The following SLC2A12 variants were observed in gnomAD, a reference collection of about 807,000 sequenced individuals.
The protein encoded by SLC2A12 is solute carrier family 2, facilitated glucose transporter member 12.
SLC2A12 carries 23 observed loss-of-function variants against 41.8 expected under a neutral mutation model. The ratio of observed to expected loss-of-function variants is 0.55; its 90% confidence interval spans 0.40 to 0.78. The LOEUF (loss-of-function observed/expected upper bound fraction) is 0.78, where lower values mean the gene tolerates loss of function less well. SLC2A12 is among the 30% of genes least tolerant of loss of function. SLC2A12 has a pLI of 0.00. For synonymous variants in SLC2A12, 295 were observed against 285.9 expected (o/e 1.03, Z -0.32); for missense variants, 654 against 745.6 (o/e 0.88, Z 1.43).
At chr6:134,043,790 CAAAA>C (rs529160646) in intron 1 of SLC2A12, among the ~76,000 whole-genome samples, 2 of 69,972 alleles carry the variant, frequency 2.9e-5, no homozygotes, top group Non-Finnish European at 3.1e-5. Flanking sequence ...GACTCTGTCC[CAAAA>C]AAAAAAAAAA....
intron 1 of SLC2A12, among the ~76,000 whole-genome samples, chr6:134,042,081 A>C (rs2114503871): frequency 6.6e-6 from 1 of 152,372 alleles, no homozygotes; most frequent in Admixed American, 6.5e-5. Context: ...TTTTTAAAAA[A>C]TTCAGTGTGC....
Position 134,043,790 on chromosome 6 carries a change from CA to C in SLC2A12, c.103+8587del, listed in dbSNP as rs529160646. ...CTGGCGACAGAGCGAGACTCTGTCC[CA>C]AAAAAAAAAAAAAAAAAGAAAAGAA... On this transcript the variant is annotated intron_variant, in intron 1 of 4. Transcript: ENST00000275230. Among the ~76,000 whole-genome samples the C allele has an allele frequency of 6.1e-3, 425 of 69,954 alleles. 2 individuals carry two copies. The highest frequency in any genetic ancestry group is 0.029 in the South Asian group (65 of 2,248). 45.9% of individuals were successfully genotyped at this position (69,954 alleles called of 152,430 possible). A position where few individuals can be genotyped will look rare whatever the true frequency, so the allele number is the denominator to read the frequency against.
intron 1 of SLC2A12, among the ~76,000 whole-genome samples, chr6:134,040,062 T>G (rs1052659522): frequency 1.4e-5 from 2 of 143,916 alleles, no homozygotes; most frequent in African/African-American, 5.8e-5. Context: ...TTTTTTGTTT[T>G]TTTTTTTTTG....
At chr6:133,999,882 T>C (rs1463769011) in intron 4 of SLC2A12, among the ~76,000 whole-genome samples, 1 of 152,206 alleles carries the variant, frequency 6.6e-6, no homozygotes, top group Non-Finnish European at 1.5e-5. Context: ...TACCAATAGA[T>C]TTGGAAGTCA....
intron 2 of SLC2A12, among the ~76,000 whole-genome samples, chr6:134,024,535 C>T (rs1224408880): frequency 6.6e-6 from 1 of 152,222 alleles, no homozygotes; most frequent in Non-Finnish European, 1.5e-5. Flanking sequence ...TCATTCACAG[C>T]AGTCCTAATT....
At chr6:134,037,211 G>A (rs1420661162) in intron 1 of SLC2A12, among the ~76,000 whole-genome samples, 1 of 142,256 alleles carries the variant, frequency 7.0e-6, no homozygotes, top group East Asian at 2.1e-4. Context: ...CTGGAGTGCA[G>A]TGGCGCGATT....
At position 134,001,155 on chromosome 6, in the gene SLC2A12, G is replaced by C. The variant is rs1173692377; in HGVS notation, c.1700+842C>G. 2.0e-5 allele frequency among the ~76,000 whole-genome samples: 3 copies of C among 151,902 alleles called. No homozygotes were observed. In the East Asian group the frequency reaches 5.8e-4, roughly 29 times the overall value. On this transcript the variant is annotated intron_variant, in intron 4 of 4. Coordinates refer to ENST00000275230, the MANE Select transcript of SLC2A12 (RefSeq NM_145176.3). ...TTCACCCGTTGGTTGGGGACTGGGTGGGGGAAGCATTGGGGGGTGGTGGGG... is the reference window on the plus strand; with the variant it reads ...TTCACCCGTTGGTTGGGGACTGGGTCGGGGAAGCATTGGGGGGTGGTGGGG...
In SLC2A12 at chr6:134,028,997, C is replaced by G. The variant is rs746886711; in HGVS notation, c.828G>C (p.Arg276=). 7 of 1,614,198 alleles carry G rather than the reference C, an allele frequency of 4.3e-6. No homozygotes were observed. In the Admixed American group the frequency reaches 1.2e-4, roughly 27 times the overall value. Residue 276 remains arginine (R), a synonymous_variant, in exon 2 of 5, where the codon CGG becomes CGC. Transcript: ENST00000275230. ...WDLFRSKDNM[R]TRIMIGLTLV... ...GTGTTAGTCCTATCATTATTCGGGT[C>G]CGCATGTTGTCTTTTGAACGAAACA...
chr6:134,037,474 C>T (rs908766835), intron 1 of SLC2A12, among the ~76,000 whole-genome samples: 5 of 152,158 alleles, frequency 3.3e-5, no homozygotes, highest in Non-Finnish European at 7.4e-5. Flanking sequence ...CCTGCCTCAG[C>T]GTCCGGAGTA....
chr6:134,033,073 A>C (rs1268869261), intron 1 of SLC2A12, among the ~76,000 whole-genome samples: 1 of 151,888 alleles, frequency 6.6e-6, no homozygotes, highest in African/African-American at 2.4e-5. Context: ...GATGGCCAGC[A>C]TATAACATGT....
At chr6:133,999,991 T>A (rs1390259254) in intron 4 of SLC2A12, among the ~76,000 whole-genome samples, 1 of 152,208 alleles carries the variant, frequency 6.6e-6, no homozygotes, top group Non-Finnish European at 1.5e-5. Flanking sequence ...CTGAGGCCAT[T>A]GATTATTTAA....
chr6:134,052,567 G>T lies in SLC2A12; in HGVS notation c.-87C>A. On this transcript the variant is annotated 5_prime_UTR_variant, in exon 1 of 5. Coordinates refer to ENST00000275230, the MANE Select transcript of SLC2A12 (RefSeq NM_145176.3). ...AGGAGTGGTCACTTTCCCCATAATA[G>T]CATGCTAAAGAAGAGTGTGGGGAAA... is the stretch of plus-strand genomic sequence containing the variant. The T allele has an allele frequency of 1.0e-6, 1 of 985,112 alleles. No homozygotes were observed. Among genetic ancestry groups the T allele is most frequent in the Non-Finnish European group, 1.6e-6 (1 of 637,474 alleles). 61.0% of individuals were successfully genotyped at this position (985,112 alleles called of 1,614,324 possible).
chr6:134,036,231 A>G (rs1777296988), intron 1 of SLC2A12, among the ~76,000 whole-genome samples: 1 of 152,172 alleles, frequency 6.6e-6, no homozygotes, highest in Non-Finnish European at 1.5e-5. Context: ...TGAATACTTT[A>G]CAAATTTAAA....
Position 133,990,928 on chromosome 6 carries a change from T to G in SLC2A12, c.*227A>C, listed in dbSNP as rs146276921. 3 of 440,900 alleles carry G rather than the reference T, an allele frequency of 6.8e-6. No individual in the cohort carries two copies. Among genetic ancestry groups the G allele is most frequent in the Non-Finnish European group, 1.2e-5 (3 of 254,352 alleles). 27.3% of individuals were successfully genotyped at this position (440,900 alleles called of 1,614,324 possible). A position where few individuals can be genotyped will look rare whatever the true frequency, so the allele number is the denominator to read the frequency against. ...GTAACTTTTTTTTTTTAACCTGATA[T>G]CCTGCTCAGAAAAAGAGATCACTTA... On this transcript the variant is annotated 3_prime_UTR_variant, in exon 5 of 5. Coordinates refer to ENST00000275230, the MANE Select transcript of SLC2A12 (RefSeq NM_145176.3).
At chr6:134,038,513 C>T (rs1777336337) in intron 1 of SLC2A12, among the ~76,000 whole-genome samples, 1 of 150,182 alleles carries the variant, frequency 6.7e-6, no homozygotes, top group African/African-American at 2.4e-5. Context: ...AGGTGTGGGC[C>T]ACCACACCCC....
chr6:134,012,405 C>G (rs939722848), intron 2 of SLC2A12, among the ~76,000 whole-genome samples: 4 of 152,130 alleles, frequency 2.6e-5, no homozygotes, highest in African/African-American at 7.2e-5. Flanking sequence ...CTTTTGTGAG[C>G]AGGCACCAAT....
chr6:134,041,661 G>C (rs1436058959), intron 1 of SLC2A12, among the ~76,000 whole-genome samples: 2 of 152,062 alleles, frequency 1.3e-5, no homozygotes, highest in African/African-American at 4.8e-5. Flanking sequence ...GTCAAATGAG[G>C]ATGCACAGCG....
rs754633764 is a variant in SLC2A12, at chr6:134,029,594, A to G, written c.231T>C (p.His77=). The G allele has an allele frequency of 6.2e-7, 1 of 1,614,106 alleles. No individual in the cohort carries two copies. The highest frequency in any genetic ancestry group is 1.1e-5 in the South Asian group (1 of 91,088). ...GGGAGCTCACAACCATTTCCTGCTC[A>G]TGGCAGCTCAGGGCTAATAAGGTTT... is the stretch of plus-strand genomic sequence containing the variant. ...QIKTLLALSC[H]EQEMVVSSLV... The change falls in exon 2 of 5, where the codon CAT becomes CAC. Residue 77 remains histidine, a synonymous_variant. Coordinates refer to ENST00000275230, the MANE Select transcript of SLC2A12 (RefSeq NM_145176.3).
At chr6:134,014,515 G>A (rs752035216) in intron 2 of SLC2A12, among the ~76,000 whole-genome samples, 7 of 152,220 alleles carry the variant, frequency 4.6e-5, no homozygotes, top group Non-Finnish European at 1.5e-5. Flanking sequence ...CAACTTGAAT[G>A]TCATGGCTTC....
Sources: allele counts gnomAD v4.1 joint callset (sites outside exome capture counted in the v4.1 genomes callset), GRCh38; gene constraint gnomAD v4.1.1; transcripts MANE v1.5; gene names NCBI Gene and HGNC (gene_info 2026-07-23, HGNC 2026-07-21).